The following RAPGEF2 variants were observed in gnomAD, a reference collection of about 807,000 sequenced individuals.
RAPGEF2 encodes PDZ domain containing guanine nucleotide exchange factor (GEF) 1.
RAPGEF2 carries 54 observed loss-of-function variants against 186.7 expected under a neutral mutation model. The observed-to-expected ratio is 0.29, with a 90% CI of 0.23 to 0.36. The LOEUF is 0.36. Ranked by LOEUF, RAPGEF2 falls within the 10% of genes least tolerant of loss-of-function variation. RAPGEF2 has a pLI of 1.00. For synonymous variants in RAPGEF2, 712 were observed against 705.9 expected, an observed-to-expected ratio of 1.01 and a Z score of -0.14; for missense variants, 1,532 against 2,045.0, an observed-to-expected ratio of 0.75 and a Z score of 4.84.
At chr4:159,117,690 A>G (rs1739197398) in intron 1 of RAPGEF2, among the ~76,000 whole-genome samples, 2 of 151,972 alleles carry the variant, frequency 1.3e-5, no homozygotes, top group Non-Finnish European at 1.5e-5. Context: ...AGTGGTTTTA[A>G]TCTTGGTCTC....
At chr4:159,269,328 C>T (rs1390543554) in intron 7 of RAPGEF2, among the ~76,000 whole-genome samples, 5 of 152,124 alleles carry the variant, frequency 3.3e-5, no homozygotes, top group Admixed American at 1.3e-4. Context: ...CTTAAGGCAG[C>T]GGCTGTGTTG....
chr4:159,152,719 G>A (rs558780019), intron 1 of RAPGEF2, among the ~76,000 whole-genome samples: 8 of 152,134 alleles, frequency 5.3e-5, no homozygotes, highest in Non-Finnish European at 1.0e-4. Context: ...CCAGGTTCAC[G>A]CCATTCTCCT....
chr4:159,337,889 CAAAAAAAAAAAAAA>C (rs553291521), intron 17 of RAPGEF2, among the ~76,000 whole-genome samples: 1 of 32,584 alleles, frequency 3.1e-5, no homozygotes, highest in Non-Finnish European at 8.5e-5. Context: ...GACTCCATCT[CAAAAAAAAAAAAAA>C]AAAAAAAAAA....
At chr4:159,162,988 A>G (rs1336531914) in intron 1 of RAPGEF2, among the ~76,000 whole-genome samples, 2 of 152,010 alleles carry the variant, frequency 1.3e-5, no homozygotes, top group East Asian at 3.9e-4. Flanking sequence ...GTTACCTGGT[A>G]CCTCCTCACT....
chr4:159,337,890 A>C (rs1352561037), intron 17 of RAPGEF2, among the ~76,000 whole-genome samples: 1 of 87,648 alleles, frequency 1.1e-5, no homozygotes, highest in African/African-American at 9.2e-5. Context: ...ACTCCATCTC[A>C]AAAAAAAAAA....
intron 24 of RAPGEF2, among the ~76,000 whole-genome samples, chr4:159,346,309 T>C (rs1730298111): frequency 6.6e-6 from 1 of 152,216 alleles, no homozygotes; most frequent in Non-Finnish European, 1.5e-5. Flanking sequence ...TTTGCTTGCA[T>C]AGATAATTCT....
intron 1 of RAPGEF2, among the ~76,000 whole-genome samples, chr4:159,110,502 C>T (rs866224908): frequency 7.9e-5 from 12 of 152,252 alleles, no homozygotes; most frequent in Middle Eastern, 3.4e-3. Context: ...CACTTGAACC[C>T]TGGAGGCAGA....
chr4:159,159,462 A>C (rs1744470007), intron 1 of RAPGEF2, among the ~76,000 whole-genome samples: 1 of 104,752 alleles, frequency 9.5e-6, no homozygotes, highest in African/African-American at 3.9e-5. Context: ...ATTTAAGTAC[A>C]TATAGTGGGA....
chr4:159,109,547 G>C lies in RAPGEF2; in HGVS notation c.69+5316G>C, dbSNP rs534293440. 6.6e-5 allele frequency among the ~76,000 whole-genome samples: 10 copies of C among 152,252 alleles called. No individual in the cohort carries two copies. The East Asian group carries it at 1.9e-3, about 29-fold the overall frequency. ...ATGCCTAATGTTAGTCCTCTTTATAGCATATTTTATACAATTTCTATTATT... is the reference window on the plus strand; with the variant it reads ...ATGCCTAATGTTAGTCCTCTTTATACCATATTTTATACAATTTCTATTATT... On this transcript the variant is annotated intron_variant, in intron 1 of 29. Transcript: ENST00000691494.
intron 4 of RAPGEF2, among the ~76,000 whole-genome samples, chr4:159,230,280 C>G (rs1489972573): frequency 6.6e-6 from 1 of 152,158 alleles, no homozygotes; most frequent in Non-Finnish European, 1.5e-5. Context: ...AATATTCAGG[C>G]TAACTCTCAT....
At chr4:159,254,273 G>T (rs958229098) in intron 7 of RAPGEF2, among the ~76,000 whole-genome samples, 2 of 152,158 alleles carry the variant, frequency 1.3e-5, no homozygotes, top group Admixed American at 1.3e-4. Flanking sequence ...TATATCCTAA[G>T]ACATCAGTTA....
At chr4:159,292,761 A>G (rs1449142492) in intron 7 of RAPGEF2, among the ~76,000 whole-genome samples, 1 of 152,206 alleles carries the variant, frequency 6.6e-6, no homozygotes, top group African/African-American at 2.4e-5. Flanking sequence ...CCTATGAAGC[A>G]GCACTTTTAA....
At chr4:159,340,012 C>T (rs1367440055) in intron 19 of RAPGEF2, among the ~76,000 whole-genome samples, 1 of 152,178 alleles carries the variant, frequency 6.6e-6, no homozygotes, top group African/African-American at 2.4e-5. Context: ...GATATTTTCA[C>T]TGTTAGGTAT....
rs1431795084 is a variant in RAPGEF2 at position 159,104,021 on chromosome 4, C to G, written c.-142C>G. The G allele has an allele frequency of 4.1e-6, 1 of 243,320 alleles. No individual in the cohort carries two copies. The highest frequency in any genetic ancestry group is 6.6e-6 in the Non-Finnish European group (1 of 151,604). The allele number at this position is 243,320 out of a possible 1,614,324, so 15.1% of individuals were successfully genotyped here. ...AGCCGAGCCGCCCCCCCGCGGGCCC[C>G]GCGCCGCCGCCGCCGCGGTTTGGCT... is the stretch of plus-strand genomic sequence containing the variant. On this transcript the variant is annotated 5_prime_UTR_variant, in exon 1 of 30. Transcript: ENST00000691494.
In RAPGEF2 at chr4:159,236,765, G is replaced by A. The variant is rs116866590; in HGVS notation, c.282-2044G>A. On this transcript the variant is annotated intron_variant, in intron 4 of 29. Transcript: ENST00000691494. Reference sequence around the variant, plus strand: ...GGTAGATTCAGAAACTCAAACTTTTGTGTATATTGAAGAGTTATGGAATTT... The same window carrying A: ...GGTAGATTCAGAAACTCAAACTTTTATGTATATTGAAGAGTTATGGAATTT... 3.9e-5 allele frequency among the ~76,000 whole-genome samples: 6 copies of A among 152,202 alleles called. No individual in the cohort carries two copies. In the East Asian group the frequency reaches 1.2e-3, roughly 29 times the overall value.
chr4:159,330,054 T>C (rs755472683), intron 12 of RAPGEF2, 44 bp downstream of exon 12: 1 of 1,567,760 alleles, frequency 6.4e-7, no homozygotes. Context: ...GAATTTTTTT[T>C]GGTAGTATTG....
chr4:159,317,089 G>T (rs1764694963), intron 9 of RAPGEF2, among the ~76,000 whole-genome samples: 1 of 152,102 alleles, frequency 6.6e-6, no homozygotes, highest in Non-Finnish European at 1.5e-5. Context: ...GTGTGGAGTG[G>T]CTTGTTACAT....
At chr4:159,160,183 T>G (rs1744558859) in intron 1 of RAPGEF2, among the ~76,000 whole-genome samples, 1 of 152,236 alleles carries the variant, frequency 6.6e-6, no homozygotes, top group African/African-American at 2.4e-5. Context: ...TTGTAGTTAT[T>G]TTATGAAATG....
rs1293685947 is a variant in RAPGEF2 at position 159,329,898 on chromosome 4, A to G, written c.1190A>G (p.Asn397Ser). 2 of 1,613,422 alleles carry G rather than the reference A, an allele frequency of 1.2e-6. No individual in the cohort carries two copies. Among genetic ancestry groups the G allele is most frequent in the East Asian group, 2.2e-5 (1 of 44,838 alleles). The part of the protein sequence containing the change: ...IAQQDYCRIL[N>S]QVEKNMQKVE... ...CAGCAAGATTACTGCCGTATTCTCA[A>G]TCAAGTAGAAAAGAACATGCAAAAA... The change falls in exon 12 of 30, where the codon AAT becomes AGT. Residue 397 changes from asparagine to serine, a missense_variant. Transcript: ENST00000691494.
Sources: gnomAD v4.1 joint callset for allele counts (sites outside exome capture counted in the v4.1 genomes callset) on GRCh38, gnomAD v4.1.1 for gene constraint, MANE v1.5 for transcripts, NCBI Gene and HGNC (gene_info 2026-07-23, HGNC 2026-07-21) for gene names.